SLC39A11: variants seen among roughly 807,000 people sequenced by gnomAD.
SLC39A11 encodes the protein solute carrier family 39 member 11, also known as zinc transporter ZIP11.
SLC39A11 carries 33 observed loss-of-function variants against 36.1 expected under a neutral mutation model. The ratio of observed to expected loss-of-function variants is 0.91; its 90% CI spans 0.69 to 1.22. The LOEUF (loss-of-function observed/expected upper bound fraction) is 1.22. SLC39A11 is among the 50% of genes most tolerant of loss of function. The pLI is 0.00. For synonymous variants in SLC39A11, 166 were observed against 170.3 expected (o/e 0.97, Z 0.20); for missense variants, 432 against 430.3 (o/e 1.00, Z -0.03).
At chr17:72,849,886 CAGG>C in intron 5 of SLC39A11, 82 bp from the exon 6 acceptor site, 3 of 1,337,994 alleles carry the variant, frequency 2.2e-6, no homozygotes, top group Non-Finnish European at 3.0e-6. Flanking sequence ...CAAGCTACAG[CAGG>C]AAGAAGCTTC....
intron 3 of SLC39A11, among the ~76,000 whole-genome samples, chr17:73,061,946 G>T (rs2059852485): frequency 6.6e-6 from 1 of 151,952 alleles, no homozygotes; most frequent in Admixed American, 6.6e-5. Context: ...CAGTGACCTC[G>T]TGTGATCACG....
At chr17:72,864,286 C>T (rs1197768526) in intron 5 of SLC39A11, among the ~76,000 whole-genome samples, 2 of 150,682 alleles carry the variant, frequency 1.3e-5, no homozygotes, top group Non-Finnish European at 2.9e-5. Flanking sequence ...TTAGGCAAAT[C>T]AGAGACAGAA....
intron 6 of SLC39A11, among the ~76,000 whole-genome samples, chr17:72,741,878 T>C (rs1331686939): frequency 1.3e-5 from 2 of 152,164 alleles, no homozygotes; most frequent in African/African-American, 4.8e-5. Context: ...GCCTGATGGA[T>C]GCAACATCAT....
chr17:72,719,860 C>T (rs888364929), intron 7 of SLC39A11, among the ~76,000 whole-genome samples: 1 of 152,148 alleles, frequency 6.6e-6, no homozygotes, highest in Admixed American at 6.5e-5. Context: ...GCATAAAAGC[C>T]CCTTGTGCTG....
chr17:72,875,015 A>T (rs2080821693), intron 5 of SLC39A11, among the ~76,000 whole-genome samples: 2 of 152,216 alleles, frequency 1.3e-5, no homozygotes, highest in Admixed American at 1.3e-4. Context: ...AACCAAAAAC[A>T]CTCAGATGGG....
intron 7 of SLC39A11, among the ~76,000 whole-genome samples, chr17:72,690,308 G>A (rs561992002): frequency 1.6e-4 from 24 of 152,224 alleles, no homozygotes; most frequent in Non-Finnish European, 3.5e-4. Context: ...GGGACGTCCT[G>A]GTGAGGTTTC....
At chr17:73,081,990 A>G (rs1471422320) in intron 3 of SLC39A11, among the ~76,000 whole-genome samples, 1 of 151,442 alleles carries the variant, frequency 6.6e-6, no homozygotes, top group African/African-American at 2.4e-5. Flanking sequence ...TGAGCGATAA[A>G]AGACTACATA....
intron 6 of SLC39A11, among the ~76,000 whole-genome samples, chr17:72,736,922 T>C (rs1171273998): frequency 1.3e-5 from 2 of 152,152 alleles, no homozygotes; most frequent in African/African-American, 2.4e-5. Context: ...AACCTAGGAA[T>C]GATTTTTGTA....
chr17:72,958,369 A>G (rs2086381359), intron 4 of SLC39A11, among the ~76,000 whole-genome samples: 1 of 152,278 alleles, frequency 6.6e-6, no homozygotes, highest in Non-Finnish European at 1.5e-5. Context: ...CTGGGACTTA[A>G]AGAGCTTTTG....
intron 6 of SLC39A11, among the ~76,000 whole-genome samples, chr17:72,784,674 T>C (rs1442704813): frequency 6.6e-6 from 1 of 151,820 alleles, no homozygotes; most frequent in Non-Finnish European, 1.5e-5. Context: ...TGTTTAAAAG[T>C]GTGTAGAACC....
intron 6 of SLC39A11, among the ~76,000 whole-genome samples, chr17:72,814,313 C>G (rs1444257606): frequency 6.6e-6 from 1 of 152,182 alleles, no homozygotes; most frequent in Non-Finnish European, 1.5e-5. Context: ...GGAGTAGTTC[C>G]TCCCAAATGG....
At chr17:72,681,440 G>A (rs2071504239) in intron 7 of SLC39A11, among the ~76,000 whole-genome samples, 1 of 152,204 alleles carries the variant, frequency 6.6e-6, no homozygotes, top group Non-Finnish European at 1.5e-5. Context: ...GGAGTGGCCA[G>A]AGGTGACAAT....
chr17:72,946,799 G>T (rs1483872954), intron 5 of SLC39A11, among the ~76,000 whole-genome samples: 1 of 152,156 alleles, frequency 6.6e-6, no homozygotes, highest in Non-Finnish European at 1.5e-5. Flanking sequence ...ACAATGAGGG[G>T]CAAGAAGGAG....
intron 5 of SLC39A11, among the ~76,000 whole-genome samples, chr17:72,885,846 T>C (rs548442734): frequency 3.9e-5 from 6 of 152,286 alleles, no homozygotes; most frequent in African/African-American, 1.4e-4. Context: ...TCTGCACTTG[T>C]CGCCAAAGAG....
intron 5 of SLC39A11, among the ~76,000 whole-genome samples, chr17:72,915,767 C>T (rs948073047): frequency 5.9e-5 from 9 of 152,236 alleles, no homozygotes; most frequent in African/African-American, 2.2e-4. Flanking sequence ...CCTGGAGCAG[C>T]TCACATCCAG....
chr17:72,702,672 C>T (rs2072705046), intron 7 of SLC39A11, among the ~76,000 whole-genome samples: 1 of 152,030 alleles, frequency 6.6e-6, no homozygotes, highest in African/African-American at 2.4e-5. Flanking sequence ...CATGGTGGCT[C>T]ACAAATGTAA....
intron 3 of SLC39A11, among the ~76,000 whole-genome samples, chr17:73,044,699 C>G (rs1216060122): frequency 6.6e-6 from 1 of 151,936 alleles, no homozygotes; most frequent in Non-Finnish European, 1.5e-5. Context: ...TGTGGTAAAA[C>G]CTCACCTCTA....
In SLC39A11 at chr17:72,936,661, G is replaced by A. The variant is rs531272161; in HGVS notation, c.430+11091C>T. Among the ~76,000 whole-genome samples the A allele has an allele frequency of 2.0e-5, 3 of 152,164 alleles. No homozygotes were observed. The South Asian group carries it at 6.2e-4, about 32-fold the overall frequency. On this transcript the variant is annotated intron_variant, in intron 5 of 9. Coordinates refer to ENST00000255559, the MANE Select transcript of SLC39A11 (RefSeq NM_139177.4). ...AGAACCTAGCCCTGGAGCCAGACAGGGACTCTCCCTGGAGAACAGCAGTTC... is the reference window on the plus strand; with the variant it reads ...AGAACCTAGCCCTGGAGCCAGACAGAGACTCTCCCTGGAGAACAGCAGTTC...
intron 6 of SLC39A11, among the ~76,000 whole-genome samples, chr17:72,787,288 C>T (rs549419960): frequency 7.4e-5 from 9 of 120,846 alleles, no homozygotes; most frequent in African/African-American, 3.0e-4. Flanking sequence ...GGCAGAGTCT[C>T]GCTCTGATGC....
Sources: gnomAD v4.1 joint callset for allele counts (sites outside exome capture counted in the v4.1 genomes callset) on GRCh38, gnomAD v4.1.1 for gene constraint, MANE v1.5 for transcripts, NCBI Gene and HGNC (gene_info 2026-07-23, HGNC 2026-07-21) for gene names.